Variants in ULK4 observed in about 807,000 individuals in gnomAD.
ULK4 encodes the protein inactive serine/threonine-protein kinase ULK4.
Under a neutral mutation model 160.6 loss-of-function variants are expected in ULK4, and 133 were observed. The ratio of observed to expected loss-of-function variants is 0.83; its 90% CI spans 0.72 to 0.96. ULK4 has a LOEUF of 0.96. Ranked by LOEUF, ULK4 falls within the 40% of genes least tolerant of loss-of-function variation. The pLI, the probability that ULK4 is intolerant of heterozygous loss-of-function variation, is 0.00. For synonymous variants in ULK4, 534 were observed against 539.8 expected (o/e 0.99, Z 0.15); for missense variants, 1,580 against 1,499.5 (o/e 1.05, Z -0.89).
At chr3:41,909,191 G>A (rs1227863186) in intron 11 of ULK4, among the ~76,000 whole-genome samples, 1 of 151,850 alleles carries the variant, frequency 6.6e-6, no homozygotes, top group Non-Finnish European at 1.5e-5. Context: ...AACAGTGTAG[G>A]TGAAGGTTGC....
At chr3:41,571,198 A>G (rs2087959196) in intron 31 of ULK4, among the ~76,000 whole-genome samples, 2 of 152,208 alleles carry the variant, frequency 1.3e-5, no homozygotes. Context: ...TTACAGGTAT[A>G]TATGCCTTCT....
intron 19 of ULK4, among the ~76,000 whole-genome samples, chr3:41,801,561 C>T (rs1007162812): frequency 6.6e-6 from 1 of 150,880 alleles, no homozygotes; most frequent in Non-Finnish European, 1.5e-5. Flanking sequence ...AAAGAGAAAA[C>T]CTTATGGACA....
At chr3:41,915,511 A>G (rs1235054681) in intron 8 of ULK4, 1 of 153,934 alleles carries the variant, frequency 6.5e-6, no homozygotes, top group Non-Finnish European at 1.4e-5. Context: ...GAAAATTCAC[A>G]AGGTGCCTAT....
chr3:41,826,316 C>T (rs905590042), intron 18 of ULK4, among the ~76,000 whole-genome samples: 22 of 151,992 alleles, frequency 1.4e-4, no homozygotes, highest in African/African-American at 4.8e-4. Flanking sequence ...CAATATTAAC[C>T]TTAAATGTAA....
chr3:41,859,089 C>T (rs1457577882), intron 17 of ULK4, among the ~76,000 whole-genome samples: 1 of 152,148 alleles, frequency 6.6e-6, no homozygotes, highest in East Asian at 1.9e-4. Flanking sequence ...TCTTCTATCT[C>T]AGAAGAGTAC....
At position 41,835,874 on chromosome 3, in the gene ULK4, A is replaced by C; in HGVS notation, c.1754T>G (p.Val585Gly). The C allele has an allele frequency of 6.2e-7, 1 of 1,609,304 alleles. No individual in the cohort carries two copies. Among genetic ancestry groups the C allele is most frequent in the Non-Finnish European group, 8.5e-7 (1 of 1,176,646 alleles). The change falls in exon 18 of 37, where the codon GTA becomes GGA. Residue 585 changes from valine (V) to glycine (G), a missense_variant. Physicochemically the swap from Val to Gly is moderately radical, Grantham distance 109 (BLOSUM62 -3). Coordinates refer to ENST00000301831, the MANE Select transcript of ULK4 (RefSeq NM_017886.4). ...LPTLGELIYLVATQEEKKKNP... is the reference protein window; with the variant it reads ...LPTLGELIYLGATQEEKKKNP... ...ATCAGACAGTCTCACCTGGGTGGCT[A>C]CAAGATAGATCAGCTCCCCAAGGGT...
chr3:41,483,086 G>A (rs1199681156), intron 32 of ULK4, among the ~76,000 whole-genome samples: 1 of 152,038 alleles, frequency 6.6e-6, no homozygotes, highest in Non-Finnish European at 1.5e-5. Flanking sequence ...ACCCTGTTGT[G>A]CTAGCAAATA....
rs559796818 is a variant in ULK4, at chr3:41,514,724, A to C, written c.3226+51301T>G. ...TTCTTATTCATAAGTGGGAGCCAGA[A>C]AATGTGTTCATGTGGACGTAGAGTG... On this transcript the variant is annotated intron_variant, in intron 32 of 36. Coordinates refer to ENST00000301831, the MANE Select transcript of ULK4 (RefSeq NM_017886.4). Among the ~76,000 whole-genome samples the C allele has an allele frequency of 3.3e-4, 51 of 152,266 alleles. No homozygotes were observed. In the South Asian group the frequency reaches 9.6e-3, roughly 29 times the overall value.
chr3:41,596,030 T>C (rs920981891), intron 31 of ULK4, among the ~76,000 whole-genome samples: 22 of 151,894 alleles, frequency 1.4e-4, no homozygotes, highest in African/African-American at 5.3e-4. Context: ...CAAGAACAAA[T>C]GGGCCCAGGA....
chr3:41,378,133 C>T (rs537127344), intron 35 of ULK4, among the ~76,000 whole-genome samples: 104 of 147,962 alleles, frequency 7.0e-4, no homozygotes, highest in African/African-American at 2.6e-3. Context: ...AACAAAAAAC[C>T]AAACACCACA....
intron 3 of ULK4, 107 bp downstream of exon 3, chr3:41,937,991 A>G (rs1699832746): frequency 1.3e-6 from 1 of 769,540 alleles, no homozygotes; most frequent in Middle Eastern, 3.1e-4. Flanking sequence ...CCACAGAGCA[A>G]TAGATTTTCA....
chr3:41,732,311 T>G (rs531318176), intron 22 of ULK4, among the ~76,000 whole-genome samples: 2 of 151,934 alleles, frequency 1.3e-5, no homozygotes, highest in African/African-American at 4.8e-5. Context: ...AGCAAATGAA[T>G]AGACATTTCT....
intron 34 of ULK4, among the ~76,000 whole-genome samples, chr3:41,431,977 G>A (rs999611687): frequency 1.4e-4 from 22 of 151,848 alleles, no homozygotes; most frequent in Admixed American, 1.2e-3. Flanking sequence ...TTTTTTAGTA[G>A]AGACGCGGTT....
intron 32 of ULK4, among the ~76,000 whole-genome samples, chr3:41,547,846 T>A (rs1343715461): frequency 6.6e-6 from 1 of 151,794 alleles, no homozygotes; most frequent in Non-Finnish European, 1.5e-5. Flanking sequence ...TGCGGTGTCC[T>A]ACACCATGAA....
Position 41,321,505 on chromosome 3 carries a change from G to A in ULK4, c.3679-71931C>T, listed in dbSNP as rs529117340. 2.0e-5 allele frequency among the ~76,000 whole-genome samples: 3 copies of A among 152,110 alleles called. No homozygotes were observed. The East Asian group carries it at 5.8e-4, about 29-fold the overall frequency. ...AGGTAGTCAGACATGAGCAGGGCAG[G>A]AGACTCCCCACACCACCCAGGAATG... On this transcript the variant is annotated intron_variant, in intron 35 of 36. Coordinates refer to ENST00000301831, the MANE Select transcript of ULK4 (RefSeq NM_017886.4).
chr3:41,855,021 T>C (rs1440892397), intron 17 of ULK4: 3 of 146,730 alleles, frequency 2.0e-5, no homozygotes, highest in African/African-American at 7.5e-5. Flanking sequence ...ATCTCAGAGA[T>C]ATATCACAGA....
intron 31 of ULK4, among the ~76,000 whole-genome samples, chr3:41,576,554 C>T (rs1005107146): frequency 6.6e-6 from 1 of 152,152 alleles, no homozygotes; most frequent in Non-Finnish European, 1.5e-5. Flanking sequence ...GTGAGAGCCT[C>T]CTTCTAGAAA....
At chr3:41,736,647 G>A (rs1374677616) in intron 22 of ULK4, among the ~76,000 whole-genome samples, 2 of 151,386 alleles carry the variant, frequency 1.3e-5, no homozygotes, top group African/African-American at 2.5e-5. Context: ...TAGGTTGCCT[G>A]TTCACTCTGA....
At chr3:41,415,879 G>A (rs909079023) in intron 34 of ULK4, among the ~76,000 whole-genome samples, 7 of 152,198 alleles carry the variant, frequency 4.6e-5, no homozygotes, top group African/African-American at 1.7e-4. Flanking sequence ...AAGTGTGTCA[G>A]TGAAAAGACC....
Sources: allele counts gnomAD v4.1 joint callset (sites outside exome capture counted in the v4.1 genomes callset), GRCh38; gene constraint gnomAD v4.1.1; transcripts MANE v1.5; gene names NCBI Gene and HGNC (gene_info 2026-07-23, HGNC 2026-07-21).